The following ZDHHC24 variants were observed in gnomAD, a reference collection of about 807,000 sequenced individuals.
ZDHHC24 encodes zDHHC palmitoyltransferase 24, also known as probable palmitoyltransferase ZDHHC24.
Under a neutral mutation model 23.2 loss-of-function variants are expected in ZDHHC24, and 17 were observed. The ratio of observed to expected loss-of-function variants is 0.73; its 90% CI spans 0.50 to 1.10. The LOEUF is 1.10. Among genes scored for constraint, ZDHHC24 ranks in the 50% least tolerant of loss-of-function variants. The probability of loss-of-function intolerance (pLI) is 0.00; values close to 1 mark genes in which losing one functional copy is unlikely to be tolerated. For missense variants in ZDHHC24, 366 were observed against 393.0 expected (o/e 0.93, Z 0.58); for synonymous variants, 186 against 194.5 (o/e 0.96, Z 0.36).
chr11:66,528,845 G>C (rs1856630638), intron 3 of ZDHHC24, among the ~76,000 whole-genome samples: 1 of 151,660 alleles, frequency 6.6e-6, no homozygotes, highest in Admixed American at 6.6e-5. Flanking sequence ...GCGCGTGCCT[G>C]TAATTCCAGC....
chr11:66,543,606 C>T, intron 2 of ZDHHC24, 98 bp downstream of exon 2: 1 of 1,428,908 alleles, frequency 7.0e-7, no homozygotes, highest in East Asian at 2.5e-5. Flanking sequence ...GGCTGGGTCC[C>T]CCAGGCCAGA....
chr11:66,539,826 T>G lies in ZDHHC24; in HGVS notation c.560-2A>C. 2 of 1,592,298 alleles carry G rather than the reference T, an allele frequency of 1.3e-6. No individual in the cohort carries two copies. The highest frequency in any genetic ancestry group is 1.7e-6 in the Non-Finnish European group (2 of 1,167,860). ...CAAACTGTGCCAGAGACACTCTGCC[T>G]GCAATAAAAGAGCAGAGAGGGTCAG... On this transcript the variant is annotated splice_acceptor_variant, in intron 2 of 2. Coordinates refer to ENST00000310442, the MANE Select transcript of ZDHHC24 (RefSeq NM_207340.3). LOFTEE classifies it high-confidence loss of function.
chr11:66,531,621 G>T, downstream of ZDHHC24: 1 of 1,613,890 alleles, frequency 6.2e-7, no homozygotes, highest in Non-Finnish European at 8.5e-7. Context: ...CTGGCACGAG[G>T]GCTGGTTTCC....
In ZDHHC24 at chr11:66,539,576, C is replaced by CA. The variant is rs1196404300; in HGVS notation, c.807dup (p.Gly270TrpfsTer76). On this transcript the variant is annotated frameshift_variant, in exon 3 of 3. Transcript: ENST00000310442. LOFTEE classifies it high-confidence loss of function. Reference sequence around the variant, plus strand: ...TCTGCTGTGGTCTGGAAGGTGATCCCATCCCCAGGCAATGGGGAGGCCAGG... The same window carrying CA: ...TCTGCTGTGGTCTGGAAGGTGATCCCAATCCCCAGGCAATGGGGAGGCCAGG... 2.5e-6 allele frequency: 4 copies of CA among 1,609,310 alleles called. No individual in the cohort carries two copies.
chr11:66,531,127 C>G, downstream of ZDHHC24: 2 of 1,511,384 alleles, frequency 1.3e-6, no homozygotes, highest in East Asian at 2.4e-5. Context: ...TCAGAGCGTG[C>G]GGGTGGCTGC....
At position 66,545,165 on chromosome 11, in the gene ZDHHC24, C is replaced by T. The variant is rs745909301; in HGVS notation, c.281+558G>A. 5.9e-5 allele frequency among the ~76,000 whole-genome samples: 9 copies of T among 152,118 alleles called. No homozygotes were observed. The highest frequency in any genetic ancestry group is 1.3e-4 in the Non-Finnish European group (9 of 68,026). ...AACAATTCTCTTGCCTCAGCCTCCC[C>T]AGTAGCTGAGATTACAGGCACGTGC... On this transcript the variant is annotated intron_variant, in intron 1 of 2. Coordinates refer to ENST00000310442, the MANE Select transcript of ZDHHC24 (RefSeq NM_207340.3). The surrounding 1 kb of genome is among the most constrained non-coding windows in gnomAD (Gnocchi z 4.5).
At chr11:66,522,939 A>G (rs750484601) in intron 4 of ZDHHC24, 58 of 352,492 alleles carry the variant, frequency 1.6e-4, no homozygotes, top group Non-Finnish European at 2.9e-4. Context: ...AGTCGGGAAG[A>G]GTGTTGTAGG....
At chr11:66,530,921 C>T (rs1474686967), downstream of ZDHHC24, 2 of 1,614,086 alleles carry the variant, frequency 1.2e-6, no homozygotes, top group Non-Finnish European at 1.7e-6. Flanking sequence ...CACCTTTAAG[C>T]TCACACTTCA....
downstream of ZDHHC24, among the ~76,000 whole-genome samples, chr11:66,534,443 CAAAAAAAAAAAAAAA>C (rs1158925348): frequency 3.7e-5 from 1 of 26,812 alleles, no homozygotes; most frequent in Non-Finnish European, 6.6e-5. Flanking sequence ...AACTCTGTCT[CAAAAAAAAAAAAAAA>C]AAAAAAAAAA....
intron 2 of ZDHHC24, among the ~76,000 whole-genome samples, 164 bp from the exon 3 acceptor site, chr11:66,539,988 C>G (rs1259581325): frequency 6.6e-6 from 1 of 152,202 alleles, no homozygotes; most frequent in Non-Finnish European, 1.5e-5. Flanking sequence ...CACTGGTAAA[C>G]TGGGCAGACG....
rs1025664173 is a variant in ZDHHC24 at position 66,524,069 on chromosome 11, AAGG to A, written c.*22-2606_*22-2604del. ...CCAAGGTGGGCAGATCACCTGAGGT[AAGG>A]AGTTCAAAACCAGCCTAGCCAACAT... On this transcript the variant is annotated intron_variant, in intron 4 of 4. Coordinates refer to the ZDHHC24 transcript ENST00000526986. 5.0e-5 allele frequency: 41 copies of A among 815,404 alleles called. 1 individual carries two copies. In the African/African-American group the frequency reaches 6.6e-4, roughly 13 times the overall value. The allele number at this position is 815,404 out of a possible 1,614,324, so 50.5% of individuals were successfully genotyped here.
exon 5 of ZDHHC24, chr11:66,521,363 T>C (rs1856209031): frequency 1.2e-6 from 2 of 1,614,054 alleles, no homozygotes; most frequent in Admixed American, 1.7e-5. Context: ...TGGAAACATC[T>C]ATATTCTGAG....
rs1856676755 is a variant in ZDHHC24, at chr11:66,529,611, G to A, written c.560-123C>T. On this transcript the variant is annotated intron_variant, in intron 2 of 4. Transcript: ENST00000526986. ...GATAGTGCAGGCAGGGAGGTGGTAAGAGAGTGAGAAGAGGCAGGGCGAGGC... is the reference window on the plus strand; with the variant it reads ...GATAGTGCAGGCAGGGAGGTGGTAAAAGAGTGAGAAGAGGCAGGGCGAGGC... 1.6e-5 allele frequency: 11 copies of A among 699,752 alleles called. 1 individual carries two copies. The South Asian group carries it at 1.8e-4, about 12-fold the overall frequency. 43.3% of individuals were successfully genotyped at this position (699,752 alleles called of 1,614,324 possible).
intron 2 of ZDHHC24, among the ~76,000 whole-genome samples, chr11:66,540,659 T>G (rs1590793605): frequency 6.9e-6 from 1 of 144,176 alleles, no homozygotes; most frequent in African/African-American, 2.6e-5. Flanking sequence ...ACCCGGGAGG[T>G]GGAGGCTGCA....
intron 4 of ZDHHC24, chr11:66,524,104 A>AC: frequency 4.9e-6 from 3 of 607,476 alleles, no homozygotes; most frequent in Non-Finnish European, 8.8e-6. Context: ...ACATGGCATA[A>AC]CCCCCTTGCT....
At chr11:66,525,873 G>A (rs1053550351) in intron 4 of ZDHHC24, among the ~76,000 whole-genome samples, 5 of 152,172 alleles carry the variant, frequency 3.3e-5, no homozygotes, top group South Asian at 4.1e-4. Context: ...AGAAAGACCC[G>A]AAAGACGAGT....
intron 4 of ZDHHC24, chr11:66,526,889 C>T: frequency 1.2e-6 from 2 of 1,612,314 alleles, no homozygotes; most frequent in Non-Finnish European, 1.7e-6. Flanking sequence ...TGCCCAGCCT[C>T]CCTGTGCACT....
Position 66,537,447 on chromosome 11 carries a change from G to T in ZDHHC24, c.*2082C>A, listed in dbSNP as rs1857002962. On this transcript the variant is annotated 3_prime_UTR_variant, in exon 3 of 3. Transcript: ENST00000310442. ...GGTGGAGTTCCTGAGCCCCTCCGGGGCTCTGGCAGGTAATTCCACTTGCCT... is the reference window on the plus strand; with the variant it reads ...GGTGGAGTTCCTGAGCCCCTCCGGGTCTCTGGCAGGTAATTCCACTTGCCT... 3 of 152,068 alleles carry T rather than the reference G, an allele frequency of 2.0e-5. No individual in the cohort carries two copies. The highest frequency in any genetic ancestry group is 2.0e-4 in the Admixed American group (3 of 15,270). 9.4% of individuals were successfully genotyped at this position (152,068 alleles called of 1,614,324 possible). A position where few individuals can be genotyped will look rare whatever the true frequency, so the allele number is the denominator to read the frequency against.
intron 2 of ZDHHC24, among the ~76,000 whole-genome samples, chr11:66,541,124 G>A (rs952687824): frequency 1.2e-4 from 18 of 152,128 alleles, no homozygotes; most frequent in Admixed American, 6.5e-5. Flanking sequence ...AAAATGGGCC[G>A]GGTGTGGTGG....
Sources: allele counts gnomAD v4.1 joint callset (sites outside exome capture counted in the v4.1 genomes callset), GRCh38; gene constraint gnomAD v4.1.1; non-coding constraint Gnocchi (gnomAD v3.1); transcripts MANE v1.5; gene names NCBI Gene and HGNC (gene_info 2026-07-23, HGNC 2026-07-21).